FOCAD: variants seen among roughly 807,000 people sequenced by gnomAD.
FOCAD encodes KIAA1797.
FOCAD carries 198 observed loss-of-function variants against 225.6 expected under a neutral mutation model. The observed-to-expected ratio is 0.88, with a 90% CI of 0.78 to 0.99. The LOEUF (loss-of-function observed/expected upper bound fraction) is 0.99. Among genes scored for constraint, FOCAD ranks in the 50% least tolerant of loss-of-function variants. The pLI is 0.00. For synonymous variants in FOCAD, 897 were observed against 755.0 expected (o/e 1.19, Z -3.08); for missense variants, 2,713 against 2,123.6 (o/e 1.28, Z -5.46).
chr9:20,875,127 T>G, intron 19 of FOCAD: 1 of 263,136 alleles, frequency 3.8e-6, no homozygotes, highest in Non-Finnish European at 7.1e-6. Context: ...GGTCATTGAT[T>G]TAAACAATAC....
intron 8 of FOCAD, among the ~76,000 whole-genome samples, chr9:20,777,465 C>G (rs1818880807): frequency 6.6e-6 from 1 of 151,956 alleles, no homozygotes; most frequent in Admixed American, 6.5e-5. Flanking sequence ...AATAACATGT[C>G]TCTTGTGTTT....
rs138403326 is a variant in FOCAD at position 20,765,815 on chromosome 9, T to G, written c.699+742T>G. On this transcript the variant is annotated intron_variant, in intron 7 of 43. Coordinates refer to ENST00000338382, the MANE Select transcript of FOCAD (RefSeq NM_001375567.1). ...AGTCCATCTCTTCCCATCATCTAGG[T>G]TTGCTATTTGCCTGGAATCGCAGCA... Among the ~76,000 whole-genome samples the G allele has an allele frequency of 3.1e-3, 468 of 152,324 alleles. 2 individuals are homozygous for G. Among genetic ancestry groups the G allele is most frequent in the Middle Eastern group, 0.01 (3 of 294 alleles).
intron 1 of FOCAD, among the ~76,000 whole-genome samples, chr9:20,686,234 G>T (rs935367834): frequency 6.6e-6 from 1 of 152,194 alleles, no homozygotes; most frequent in Non-Finnish European, 1.5e-5. Context: ...TCGGCTCACT[G>T]CAACCTCCGC....
At chr9:20,834,987 T>G (rs1255558003) in intron 15 of FOCAD, among the ~76,000 whole-genome samples, 1 of 152,152 alleles carries the variant, frequency 6.6e-6, no homozygotes, top group Admixed American at 6.6e-5. Context: ...TAATTTTACC[T>G]TTTTTACTTT....
At chr9:20,839,679 A>G (rs1413204886) in intron 15 of FOCAD, among the ~76,000 whole-genome samples, 1 of 152,004 alleles carries the variant, frequency 6.6e-6, no homozygotes, top group Non-Finnish European at 1.5e-5. Context: ...TTATGGGTAC[A>G]TAAGTGTATA....
At chr9:20,718,774 C>T (rs745830512) in intron 3 of FOCAD, among the ~76,000 whole-genome samples, 4 of 152,174 alleles carry the variant, frequency 2.6e-5, no homozygotes, top group Non-Finnish European at 4.4e-5. Flanking sequence ...TATTGAATGT[C>T]AAATCCCTGT....
intron 11 of FOCAD, among the ~76,000 whole-genome samples, chr9:20,793,300 A>G (rs537882292): frequency 2.0e-5 from 3 of 152,190 alleles, no homozygotes; most frequent in Non-Finnish European, 4.4e-5. Flanking sequence ...TCCCGTGGCA[A>G]TATGTTTATT....
chr9:20,736,534 T>C (rs538891950), intron 4 of FOCAD, among the ~76,000 whole-genome samples: 1 of 152,242 alleles, frequency 6.6e-6, no homozygotes, highest in African/African-American at 2.4e-5. Context: ...TGGAAAATAC[T>C]AGAGATTTTT....
intron 7 of FOCAD, among the ~76,000 whole-genome samples, chr9:20,765,439 G>GAA (rs1003908083): frequency 7.0e-6 from 1 of 143,398 alleles, no homozygotes. Flanking sequence ...GTGCACATTG[G>GAA]AAAAAAAAAA....
At position 20,922,771 on chromosome 9, in the gene FOCAD, C is replaced by T. The variant is rs533072276; in HGVS notation, c.2853-889C>T. Among the ~76,000 whole-genome samples the T allele has an allele frequency of 8.8e-4, 134 of 152,296 alleles. 2 individuals are homozygous for T. Among genetic ancestry groups the T allele is most frequent in the African/African-American group, 3.2e-3 (132 of 41,574 alleles). On this transcript the variant is annotated intron_variant, in intron 24 of 43. Transcript: ENST00000338382. ...ATCAAAGGACTGAGGACTAAACGAT[C>T]TGATGGTATGGGTGCTCTTGTTGCT...
At chr9:20,865,398 G>T (rs1829138100) in intron 16 of FOCAD, among the ~76,000 whole-genome samples, 1 of 152,112 alleles carries the variant, frequency 6.6e-6, no homozygotes, top group Non-Finnish European at 1.5e-5. Context: ...ACCACCGACT[G>T]TTGGAAGGTA....
intron 5 of FOCAD, among the ~76,000 whole-genome samples, chr9:20,742,569 G>A (rs1189343813): frequency 6.6e-6 from 1 of 152,186 alleles, no homozygotes; most frequent in Admixed American, 6.5e-5. Flanking sequence ...CTGCATTTTA[G>A]AAAGATTTTC....
At chr9:20,857,163 A>G (rs746047680) in intron 15 of FOCAD, among the ~76,000 whole-genome samples, 4 of 152,064 alleles carry the variant, frequency 2.6e-5, no homozygotes, top group Non-Finnish European at 4.4e-5. Flanking sequence ...CATTGAATCT[A>G]TAGATTGCTT....
At chr9:20,811,448 G>A (rs1385801342) in intron 11 of FOCAD, among the ~76,000 whole-genome samples, 1 of 152,042 alleles carries the variant, frequency 6.6e-6, no homozygotes, top group African/African-American at 2.4e-5. Flanking sequence ...TTGGAATAAG[G>A]CTAGAGTGAT....
intron 26 of FOCAD, among the ~76,000 whole-genome samples, chr9:20,926,807 A>G (rs1457124585): frequency 6.6e-6 from 1 of 151,574 alleles, no homozygotes; most frequent in African/African-American, 2.4e-5. Context: ...AGAAAAAGAA[A>G]AAAAAAAGAA....
intron 18 of FOCAD, among the ~76,000 whole-genome samples, chr9:20,867,942 G>T (rs1474778059): frequency 6.6e-6 from 1 of 152,030 alleles, no homozygotes; most frequent in Non-Finnish European, 1.5e-5. Context: ...AATTGAATTG[G>T]AGCCACGATA....
At chr9:20,849,137 C>T (rs1477049328) in intron 15 of FOCAD, among the ~76,000 whole-genome samples, 1 of 151,906 alleles carries the variant, frequency 6.6e-6, no homozygotes, top group East Asian at 1.9e-4. Context: ...TCCAGTACCT[C>T]CTTCACTTCT....
At chr9:20,934,083 G>C (rs1835730328) in intron 28 of FOCAD, among the ~76,000 whole-genome samples, 1 of 152,084 alleles carries the variant, frequency 6.6e-6, no homozygotes, top group Non-Finnish European at 1.5e-5. Context: ...ATTTGTTTGA[G>C]TTTGTTGTAG....
chr9:20,962,664 A>G (rs1413651187), intron 35 of FOCAD, among the ~76,000 whole-genome samples: 1 of 152,166 alleles, frequency 6.6e-6, no homozygotes, highest in Non-Finnish European at 1.5e-5. Flanking sequence ...AGTATGTGCG[A>G]TAATGGGTCC....
Sources: gnomAD v4.1 joint callset for allele counts (sites outside exome capture counted in the v4.1 genomes callset) on GRCh38, gnomAD v4.1.1 for gene constraint, MANE v1.5 for transcripts, NCBI Gene and HGNC (gene_info 2026-07-23, HGNC 2026-07-21) for gene names.